HSPA14: variants seen among roughly 807,000 people sequenced by gnomAD.
HSPA14 encodes heat shock 70 kDa protein 14.
Under a neutral mutation model 65.5 loss-of-function variants are expected in HSPA14, and 37 were observed. The ratio of observed to expected loss-of-function variants is 0.56; its 90% CI spans 0.43 to 0.74. The LOEUF is 0.74. HSPA14 is among the 30% of genes least tolerant of loss of function. The pLI is 0.00. For synonymous variants in HSPA14, 203 were observed against 214.2 expected, an observed-to-expected ratio of 0.95 and a Z score of 0.46; for missense variants, 564 against 607.6, an observed-to-expected ratio of 0.93 and a Z score of 0.75.
chr10:14,862,889 G>T (rs1373878512), intron 10 of HSPA14, among the ~76,000 whole-genome samples: 1 of 150,670 alleles, frequency 6.6e-6, no homozygotes, highest in African/African-American at 2.4e-5. Context: ...TCACCATGTC[G>T]CCCAGGCTAG....
chr10:14,867,390 A>G (rs1832816591), intron 11 of HSPA14, 95 bp downstream of exon 11: 1 of 824,370 alleles, frequency 1.2e-6, no homozygotes, highest in Non-Finnish European at 1.9e-6. Flanking sequence ...TTTTATACAT[A>G]CCATGATGTT....
In HSPA14 at chr10:14,855,860, T is replaced by G; in HGVS notation, c.910T>G (p.Cys304Gly). The change falls in exon 10 of 14, where the codon TGT becomes GGT. Residue 304 changes from cysteine (C) to glycine (G), a missense_variant. By Grantham distance (159) the Cys-to-Gly change is radical. Coordinates refer to ENST00000378372, the MANE Select transcript of HSPA14 (RefSeq NM_016299.4). ...NVSRARFELL[C>G]SPLFNKCIEA... ...GTACAGAGCAAGATTTGAACTTCTTTGTTCTCCACTTTTTAATAAGTGTAT... is the reference window on the plus strand; with the variant it reads ...GTACAGAGCAAGATTTGAACTTCTTGGTTCTCCACTTTTTAATAAGTGTAT... The G allele has an allele frequency of 6.2e-7, 1 of 1,602,282 alleles. No individual in the cohort carries two copies. The highest frequency in any genetic ancestry group is 8.5e-7 in the Non-Finnish European group (1 of 1,169,596).
At chr10:14,843,968 G>T (rs1244112797) in intron 3 of HSPA14, 1 of 1,504,726 alleles carries the variant, frequency 6.6e-7, no homozygotes, top group African/African-American at 1.4e-5. Flanking sequence ...TGAATCCCTG[G>T]CTCCTTTTCT....
At position 14,839,471 on chromosome 10, in the gene HSPA14, A is replaced by G. The variant is rs1204210401; in HGVS notation, c.58-434A>G. On this transcript the variant is annotated intron_variant, in intron 1 of 13. Transcript: ENST00000378372. ...TCCCAGCTGCTCAGGAGGCTGAGGCATGAGAATGGCTTGAACCCGGGAGGC... is the reference window on the plus strand; with the variant it reads ...TCCCAGCTGCTCAGGAGGCTGAGGCGTGAGAATGGCTTGAACCCGGGAGGC... 2.6e-5 allele frequency among the ~76,000 whole-genome samples: 4 copies of G among 152,080 alleles called. No homozygotes were observed. In the East Asian group the frequency reaches 5.8e-4, roughly 22 times the overall value.
At chr10:14,868,147 G>A (rs907278432) in intron 12 of HSPA14, among the ~76,000 whole-genome samples, 1 of 152,140 alleles carries the variant, frequency 6.6e-6, no homozygotes, top group Non-Finnish European at 1.5e-5. Context: ...CTTCTCTGTT[G>A]TGCTCTTGGC....
rs1201043064 is a variant in HSPA14 at position 14,842,752 on chromosome 10, T to C, written c.221+2595T>C. ...ATCATCAGCCTATCTTGAAAACAGTTAAGGCATCAGATGAGGATTGTCAGC... is the reference window on the plus strand; with the variant it reads ...ATCATCAGCCTATCTTGAAAACAGTCAAGGCATCAGATGAGGATTGTCAGC... On this transcript the variant is annotated intron_variant, in intron 3 of 13. Transcript: ENST00000378372. This position sits in a 1 kb window ranked among gnomAD's most constrained non-coding sequence, Gnocchi z 5.2. 6.5e-7 allele frequency: 1 copy of C among 1,536,540 alleles called. No homozygotes were observed. Among genetic ancestry groups the C allele is most frequent in the East Asian group, 2.4e-5 (1 of 40,922 alleles).
intron 10 of HSPA14, among the ~76,000 whole-genome samples, chr10:14,856,979 T>C (rs1405929371): frequency 6.6e-6 from 1 of 152,244 alleles, no homozygotes; most frequent in Non-Finnish European, 1.5e-5. Flanking sequence ...TTGTATAATT[T>C]GTATGCATAG....
chr10:14,862,744 A>G (rs1832766909), intron 10 of HSPA14, among the ~76,000 whole-genome samples: 1 of 151,662 alleles, frequency 6.6e-6, no homozygotes, highest in Non-Finnish European at 1.5e-5. Flanking sequence ...TAGTGGCACA[A>G]TCATGGCTCA....
At chr10:14,870,119 A>T (rs1359739294) in intron 12 of HSPA14, among the ~76,000 whole-genome samples, 1 of 152,138 alleles carries the variant, frequency 6.6e-6, no homozygotes, top group East Asian at 1.9e-4. Context: ...ACCATCTCTT[A>T]CTTACAAATA....
At chr10:14,859,516 G>C (rs1832734735) in intron 10 of HSPA14, among the ~76,000 whole-genome samples, 1 of 152,006 alleles carries the variant, frequency 6.6e-6, no homozygotes, top group African/African-American at 2.4e-5. Context: ...TGTCAGCTTA[G>C]TGGGCTTTTG....
At chr10:14,849,398 C>G in intron 5 of HSPA14, 1 of 506,926 alleles carries the variant, frequency 2.0e-6, no homozygotes, top group Non-Finnish European at 4.0e-6. Flanking sequence ...AGAGAACTAA[C>G]ATTATGACGT....
chr10:14,853,053 T>G (rs1355883658), intron 8 of HSPA14, among the ~76,000 whole-genome samples: 1 of 151,814 alleles, frequency 6.6e-6, no homozygotes, highest in Non-Finnish European at 1.5e-5. Flanking sequence ...AAGTCAGATA[T>G]GTAAAGGTTA....
intron 9 of HSPA14, among the ~76,000 whole-genome samples, chr10:14,855,444 A>G (rs1402136915): frequency 6.6e-6 from 1 of 152,200 alleles, no homozygotes; most frequent in Non-Finnish European, 1.5e-5. Context: ...AAACTTTAAC[A>G]TATAAAAATG....
intron 10 of HSPA14, among the ~76,000 whole-genome samples, chr10:14,861,241 G>C (rs954237445): frequency 1.3e-5 from 2 of 152,176 alleles, no homozygotes; most frequent in Admixed American, 6.5e-5. Flanking sequence ...GGTTGAGGGT[G>C]CTGGGAGAAG....
chr10:14,869,272 T>A (rs1564327778), intron 12 of HSPA14, among the ~76,000 whole-genome samples: 1 of 150,746 alleles, frequency 6.6e-6, no homozygotes, highest in Non-Finnish European at 1.5e-5. Flanking sequence ...TGTAAAGAGA[T>A]ACATATCTTT....
chr10:14,869,321 G>A (rs1390049988), intron 12 of HSPA14, among the ~76,000 whole-genome samples: 2 of 149,946 alleles, frequency 1.3e-5, no homozygotes, highest in Non-Finnish European at 1.5e-5. Flanking sequence ...TTTTAAGACG[G>A]CATCTTGCTC....
In HSPA14 at chr10:14,848,675, A is replaced by G; in HGVS notation, c.270+18A>G. 2 of 1,597,282 alleles carry G rather than the reference A, an allele frequency of 1.3e-6. No homozygotes were observed. Among genetic ancestry groups the G allele is most frequent in the Non-Finnish European group, 1.7e-6 (2 of 1,166,358 alleles). On this transcript the variant is annotated intron_variant, in intron 4 of 13. Coordinates refer to ENST00000378372, the MANE Select transcript of HSPA14 (RefSeq NM_016299.4). ...AATGTTTAGTGAGTATGGTTCTGTT[A>G]TTGCTTCCCTGTTACATAGAGTAAT... is the stretch of plus-strand genomic sequence containing the variant.
At chr10:14,843,963 C>T in intron 3 of HSPA14, 1 of 1,510,774 alleles carries the variant, frequency 6.6e-7, no homozygotes, top group Non-Finnish European at 8.8e-7. Context: ...CCTTCTGAAT[C>T]CCTGGCTCCT....
chr10:14,846,061 G>C (rs956012766), intron 3 of HSPA14: 1 of 975,254 alleles, frequency 1.0e-6, no homozygotes, highest in East Asian at 1.1e-4. Flanking sequence ...GTAGCATTCT[G>C]TGGTATTAAT....
Sources: gnomAD v4.1 joint callset for allele counts (sites outside exome capture counted in the v4.1 genomes callset) on GRCh38, gnomAD v4.1.1 for gene constraint, Gnocchi (gnomAD v3.1) non-coding constraint, MANE v1.5 for transcripts, NCBI Gene and HGNC (gene_info 2026-07-23, HGNC 2026-07-21) for gene names.